MYOZ1: variants seen among roughly 807,000 people sequenced by gnomAD.
The protein encoded by MYOZ1 is myozenin 1.
A neutral mutation model predicts 28.7 loss-of-function variants in MYOZ1; 20 were observed. The observed-to-expected ratio is 0.70, with a 90% CI of 0.49 to 1.01. MYOZ1 has a LOEUF of 1.01. Ranked by LOEUF, MYOZ1 falls within the 50% of genes least tolerant of loss-of-function variation. MYOZ1 has a pLI of 0.00. For synonymous variants in MYOZ1, 144 were observed against 145.8 expected (o/e 0.99, Z 0.09); for missense variants, 371 against 372.4 (o/e 1.00, Z 0.03).
At chr10:73,640,142 CA>C in intron 1 of MYOZ1, 107 bp from the exon 2 acceptor site, 24 of 885,358 alleles carry the variant, frequency 2.7e-5, no homozygotes, top group South Asian at 3.4e-5. Flanking sequence ...CTTGAGGGGA[CA>C]AAAAAATTTT....
intron 1 of MYOZ1, among the ~76,000 whole-genome samples, chr10:73,640,797 G>A (rs1735196373): frequency 1.3e-5 from 2 of 152,132 alleles, no homozygotes; most frequent in South Asian, 2.1e-4. Context: ...ATTCTGCCAG[G>A]GTTGAGGAGA....
intron 2 of MYOZ1, among the ~76,000 whole-genome samples, chr10:73,638,488 A>C (rs568989127): frequency 6.6e-6 from 1 of 151,112 alleles, no homozygotes; most frequent in Admixed American, 6.6e-5. Context: ...CTGCACCACC[A>C]TCCCTGGCTG....
Position 73,633,926 on chromosome 10 carries a change from T to G in MYOZ1, c.642A>C (p.Glu214Asp). The G allele has an allele frequency of 6.2e-7, 1 of 1,612,258 alleles. No individual in the cohort carries two copies. Among genetic ancestry groups the G allele is most frequent in the Non-Finnish European group, 8.5e-7 (1 of 1,179,212 alleles). The change falls in exon 5 of 6, where the codon GAA (glutamate) becomes GAC (aspartate). Residue 214 changes from glutamate (E) to aspartate (D), a missense_variant. Coordinates refer to ENST00000359322, the MANE Select transcript of MYOZ1 (RefSeq NM_021245.4). ...IDLLAYGAKAELPKYKSFNRT... is the reference protein window; with the variant it reads ...IDLLAYGAKADLPKYKSFNRT... ...TGTTGAAGGACTTATATTTGGGAAG[T>G]TCAGCTTTGGCCCCATAGGCCAGCA... is the stretch of plus-strand genomic sequence containing the variant.
chr10:73,637,885 C>G lies in MYOZ1; in HGVS notation c.111G>C (p.Lys37Asn). Residue 37 changes from lysine to asparagine, a missense_variant, in exon 3 of 6, where the codon AAG becomes AAC. Lys to Asn is a moderately conservative substitution (Grantham distance 94). Coordinates refer to ENST00000359322, the MANE Select transcript of MYOZ1 (RefSeq NM_021245.4). Reference protein sequence around the residue: ...QESSGLNLGKKISVPRDVMLE... With the variant: ...QESSGLNLGKNISVPRDVMLE... ...ACATCACATCCCTTGGGACACTGAT[C>G]TTTTTGCCCAGGTTCAAGCCTGAGC... The G allele has an allele frequency of 1.9e-6, 3 of 1,614,042 alleles. No individual in the cohort carries two copies. The highest frequency in any genetic ancestry group is 1.7e-4 in the Middle Eastern group (1 of 6,056).
At position 73,632,023 on chromosome 10, in the gene MYOZ1, A is replaced by G; in HGVS notation, c.807T>C (p.Asn269=). The G allele has an allele frequency of 6.2e-7, 1 of 1,614,092 alleles. No homozygotes were observed. The highest frequency in any genetic ancestry group is 8.5e-7 in the Non-Finnish European group (1 of 1,180,034). Residue 269 remains asparagine, a synonymous_variant, in exon 6 of 6, where the codon AAT becomes AAC. Coordinates refer to ENST00000359322, the MANE Select transcript of MYOZ1 (RefSeq NM_021245.4). ...AGCTCAGCCAGGGAATAGGGGTTCGATTGAAAGAAGGCCTGTTGGAGAGGT... is the reference window on the plus strand; with the variant it reads ...AGCTCAGCCAGGGAATAGGGGTTCGGTTGAAAGAAGGCCTGTTGGAGAGGT... ...NQNLSNRPSF[N]RTPIPWLSSG...
Position 73,631,837 on chromosome 10 carries a change from T to C in MYOZ1, c.*93A>G. The stretch of plus-strand genomic sequence containing the variant: ...CTTTTTCCCTCCATTCCCATAAGGA[T>C]ACTGGATTAACAATGGGGGCTATCT... On this transcript the variant is annotated 3_prime_UTR_variant, in exon 6 of 6. Transcript: ENST00000359322. The C allele has an allele frequency of 9.1e-7, 1 of 1,095,466 alleles. No individual in the cohort carries two copies. The highest frequency in any genetic ancestry group is 1.4e-5 in the South Asian group (1 of 72,252). The allele number at this position is 1,095,466 out of a possible 1,614,324, so 67.9% of individuals were successfully genotyped here.
intron 2 of MYOZ1, among the ~76,000 whole-genome samples, chr10:73,639,655 T>A (rs2081691422): frequency 1.3e-5 from 2 of 152,190 alleles, no homozygotes; most frequent in African/African-American, 4.8e-5. Flanking sequence ...TCCATTATAT[T>A]TTCTTCCTCA....
chr10:73,631,641 A>C lies in MYOZ1; in HGVS notation c.*289T>G, dbSNP rs2081635725. 1.0e-5 allele frequency: 4 copies of C among 383,944 alleles called. No individual in the cohort carries two copies. In the South Asian group the frequency reaches 1.2e-4, roughly 11 times the overall value. The allele number at this position is 383,944 out of a possible 1,614,324, so 23.8% of individuals were successfully genotyped here. A position where few individuals can be genotyped will look rare whatever the true frequency, so the allele number is the denominator to read the frequency against. On this transcript the variant is annotated 3_prime_UTR_variant, in exon 6 of 6. Coordinates refer to ENST00000359322, the MANE Select transcript of MYOZ1 (RefSeq NM_021245.4). ...GGCTTTCATCTGCTCTCAAATATCA[A>C]AGGAAGAATGAGTTCATTTTCCTTG...
chr10:73,634,872 G>A, intron 3 of MYOZ1, 139 bp from the exon 4 acceptor site: 1 of 963,834 alleles, frequency 1.0e-6, no homozygotes, highest in Non-Finnish European at 1.5e-6. Context: ...TCCAGTTGAT[G>A]GGTAGTACAT....
rs1050700706 is a variant in MYOZ1 at position 73,631,830 on chromosome 10, A to C, written c.*100T>G. On this transcript the variant is annotated 3_prime_UTR_variant, in exon 6 of 6. Transcript: ENST00000359322. ...ATCTCTCCTTTTTCCCTCCATTCCC[A>C]TAAGGATACTGGATTAACAATGGGG... The C allele has an allele frequency of 9.5e-7, 1 of 1,051,100 alleles. No individual in the cohort carries two copies. Among genetic ancestry groups the C allele is most frequent in the Non-Finnish European group, 1.4e-6 (1 of 703,190 alleles). The allele number at this position is 1,051,100 out of a possible 1,614,324, so 65.1% of individuals were successfully genotyped here.
At chr10:73,632,226 TG>T (rs1393278255) in intron 5 of MYOZ1, 65 bp from the exon 6 acceptor site, 3 of 1,403,648 alleles carry the variant, frequency 2.1e-6, no homozygotes, top group African/African-American at 1.4e-5. Context: ...TATCATGAGA[TG>T]CTACCCTCTT....
intron 3 of MYOZ1, among the ~76,000 whole-genome samples, chr10:73,636,170 G>T (rs1482666485): frequency 6.6e-6 from 1 of 152,180 alleles, no homozygotes; most frequent in Non-Finnish European, 1.5e-5. Context: ...GGAGGAGGAA[G>T]AAAGGAAATG....
intron 5 of MYOZ1, 27 bp from the exon 6 acceptor site, chr10:73,632,188 A>G: frequency 6.3e-7 from 1 of 1,588,134 alleles, no homozygotes; most frequent in Non-Finnish European, 8.6e-7. Flanking sequence ...TTATTTAATT[A>G]AGAATCAGAA....
At chr10:73,633,820 A>G in intron 5 of MYOZ1, 80 bp downstream of exon 5, 1 of 1,450,176 alleles carries the variant, frequency 6.9e-7, no homozygotes, top group Non-Finnish European at 9.3e-7. Flanking sequence ...CTTCTGAAAC[A>G]TTTGAATTAG....
rs577601895 is a variant in MYOZ1, at chr10:73,635,466, C to T, written c.253-733G>A. On this transcript the variant is annotated intron_variant, in intron 3 of 5. Transcript: ENST00000359322. ...ACACAATCTCGGCTCACTGCAACCT[C>T]CACCTCCCTGGCTCAGGCAATCCTC... Among the ~76,000 whole-genome samples, 12 of 152,154 alleles carry T rather than the reference C, an allele frequency of 7.9e-5. No individual in the cohort carries two copies. In the South Asian group the frequency reaches 2.5e-3, roughly 32 times the overall value.
At chr10:73,634,910 T>C (rs148367489) in intron 3 of MYOZ1, among the ~76,000 whole-genome samples, 177 bp from the exon 4 acceptor site, 10 of 152,296 alleles carry the variant, frequency 6.6e-5, no homozygotes, top group African/African-American at 2.4e-4. Flanking sequence ...TAAACTCTTC[T>C]TTTTGTTTGT....
At position 73,634,474 on chromosome 10, in the gene MYOZ1, G is replaced by A; in HGVS notation, c.502+10C>T. 1 of 1,613,760 alleles carries A rather than the reference G, an allele frequency of 6.2e-7. No individual in the cohort carries two copies. The highest frequency in any genetic ancestry group is 1.7e-4 in the Middle Eastern group (1 of 6,058). On this transcript the variant is annotated intron_variant, in intron 4 of 5. Coordinates refer to ENST00000359322, the MANE Select transcript of MYOZ1 (RefSeq NM_021245.4). ...GACCAAACACATTACTCTTGGGTGA[G>A]TGTACTTGCCTGATCCTGTCTCACC... is the stretch of plus-strand genomic sequence containing the variant.
At position 73,640,043 on chromosome 10, in the gene MYOZ1, G is replaced by T. The variant is rs1564985602; in HGVS notation, c.-18-8C>A. The T allele has an allele frequency of 6.2e-7, 1 of 1,611,120 alleles. No individual in the cohort carries two copies. On this transcript the variant is annotated splice_polypyrimidine_tract_variant and splice_region_variant and intron_variant, in intron 1 of 5. Coordinates refer to ENST00000359322, the MANE Select transcript of MYOZ1 (RefSeq NM_021245.4). ...TGTGGAGGTGGATTCAGCCTGGACA[G>T]GGTGGGAAGGAGGAGTTGGTGGATG...
At chr10:73,635,134 C>T (rs1176593318) in intron 3 of MYOZ1, among the ~76,000 whole-genome samples, 1 of 151,856 alleles carries the variant, frequency 6.6e-6, no homozygotes, top group East Asian at 1.9e-4. Context: ...CACGTTGGTC[C>T]GGCTGGTCTC....
Sources: gnomAD v4.1 joint callset for allele counts (sites outside exome capture counted in the v4.1 genomes callset) on GRCh38, gnomAD v4.1.1 for gene constraint, MANE v1.5 for transcripts, NCBI Gene and HGNC (gene_info 2026-07-23, HGNC 2026-07-21) for gene names.